The following NRP2 variants were observed in gnomAD, a reference collection of about 807,000 sequenced individuals.
NRP2 encodes neuropilin 2.
Under a neutral mutation model 110.4 loss-of-function variants are expected in NRP2, and 52 were observed. That is an observed-to-expected ratio of 0.47 (90% CI 0.38 to 0.59). The LOEUF (loss-of-function observed/expected upper bound fraction) is 0.59, where lower values mean the gene tolerates loss of function less well. Ranked by LOEUF, NRP2 falls within the 20% of genes least tolerant of loss-of-function variation. The probability of loss-of-function intolerance (pLI) is 0.00; values close to 1 mark genes in which losing one functional copy is unlikely to be tolerated. For synonymous variants in NRP2, 508 were observed against 468.9 expected, an observed-to-expected ratio of 1.08 and a Z score of -1.08; for missense variants, 1,049 against 1,203.0, an observed-to-expected ratio of 0.87 and a Z score of 1.89.
At chr2:205,775,122 G>C (rs1181255087) in intron 15 of NRP2, among the ~76,000 whole-genome samples, 1 of 152,176 alleles carries the variant, frequency 6.6e-6, no homozygotes, top group African/African-American at 2.4e-5. Flanking sequence ...AATGCAAACA[G>C]CTAGGGAGGC....
chr2:205,697,814 C>T, intron 2 of NRP2, 93 bp downstream of exon 2: 1 of 1,243,280 alleles, frequency 8.0e-7, no homozygotes, highest in South Asian at 1.2e-5. Flanking sequence ...CACCCCTCAC[C>T]CCAAGACCTG....
intron 11 of NRP2, among the ~76,000 whole-genome samples, chr2:205,751,770 A>G (rs962124464): frequency 6.6e-6 from 1 of 152,154 alleles, no homozygotes; most frequent in South Asian, 2.1e-4. Flanking sequence ...AGCCTTCCCC[A>G]GGGAAATTCC....
At chr2:205,745,557 A>G (rs1197682510) in intron 9 of NRP2, among the ~76,000 whole-genome samples, 189 bp from the exon 10 acceptor site, 1 of 152,152 alleles carries the variant, frequency 6.6e-6, no homozygotes, top group Non-Finnish European at 1.5e-5. Context: ...CCACCTTCCA[A>G]ATGAATAAAA....
At chr2:205,790,758 C>T (rs2058291984) in intron 15 of NRP2, among the ~76,000 whole-genome samples, 1 of 151,920 alleles carries the variant, frequency 6.6e-6, no homozygotes, top group African/African-American at 2.4e-5. Context: ...GTTCACATCT[C>T]CCTTCCAAGG....
intron 7 of NRP2, among the ~76,000 whole-genome samples, chr2:205,728,554 C>T (rs2057174780): frequency 6.6e-6 from 1 of 152,224 alleles, no homozygotes; most frequent in African/African-American, 2.4e-5. Context: ...GGGCTCTGAA[C>T]TGGCAATCAT....
At chr2:205,776,780 G>A (rs1223243438) in intron 15 of NRP2, 2 of 1,391,314 alleles carry the variant, frequency 1.4e-6, no homozygotes, top group Non-Finnish European at 1.9e-6. Flanking sequence ...TGGACTATCC[G>A]AAGAGATCCA....
intron 15 of NRP2, chr2:205,776,074 C>T: frequency 1.3e-6 from 1 of 774,328 alleles, no homozygotes; most frequent in Non-Finnish European, 2.3e-6. Flanking sequence ...GGAAATAATG[C>T]AATCGTTGAG....
intron 1 of NRP2, among the ~76,000 whole-genome samples, chr2:205,691,868 G>C (rs768259550): frequency 3.9e-5 from 6 of 152,208 alleles, no homozygotes; most frequent in Non-Finnish European, 5.9e-5. Flanking sequence ...GTTAACACAG[G>C]TGGCATGATT....
chr2:205,746,661 T>C (rs955930902), intron 10 of NRP2, among the ~76,000 whole-genome samples: 1 of 152,314 alleles, frequency 6.6e-6, no homozygotes, highest in East Asian at 1.9e-4. Flanking sequence ...CTGAGCCTGA[T>C]GCCAGCAGGA....
At chr2:205,735,440 G>GCTT (rs150784332) in intron 7 of NRP2, among the ~76,000 whole-genome samples, 10,174 of 148,388 alleles carry the variant, frequency 0.069, 665 homozygotes, top group African/African-American at 0.17. Flanking sequence ...CTGGCTGGAT[G>GCTT]CTTCTTATTA....
chr2:205,773,803 A>T (rs138669652), intron 15 of NRP2, among the ~76,000 whole-genome samples: 7 of 152,360 alleles, frequency 4.6e-5, no homozygotes, highest in African/African-American at 1.7e-4. Context: ...GAAGGAAAGC[A>T]GACTTTTGAA....
Position 205,763,744 on chromosome 2 carries a change from C to G in NRP2, c.2115C>G (p.Pro705=). 1 of 1,614,240 alleles carries G rather than the reference C, an allele frequency of 6.2e-7. No individual in the cohort carries two copies. The highest frequency in any genetic ancestry group is 8.5e-7 in the Non-Finnish European group (1 of 1,180,036). The change falls in exon 13 of 17, where the codon CCC becomes CCG. Residue 705 remains proline (P), a synonymous_variant. Transcript: ENST00000357785. The surrounding 1 kb of genome is among the most constrained non-coding windows in gnomAD (Gnocchi z 4.0). ...GCCAGTATGCCCGGCTCATCAGCCC[C>G]CCTGTCCACCTGCCCCGAAGCCCGG... ...REGQYARLIS[P]PVHLPRSPVC...
intron 2 of NRP2, chr2:205,701,206 A>C (rs1159051604): frequency 1.3e-5 from 2 of 152,552 alleles, no homozygotes; most frequent in African/African-American, 4.8e-5. Flanking sequence ...CACCCACCCC[A>C]TCCCAGAGGC....
intron 15 of NRP2, among the ~76,000 whole-genome samples, chr2:205,783,354 T>C (rs997896148): frequency 1.3e-5 from 2 of 152,222 alleles, no homozygotes; most frequent in African/African-American, 4.8e-5. Context: ...ATTAATGAGT[T>C]CCACTTGCTT....
chr2:205,753,181 A>G (rs757645589), intron 12 of NRP2, among the ~76,000 whole-genome samples: 9 of 152,192 alleles, frequency 5.9e-5, no homozygotes, highest in Admixed American at 2.0e-4. Flanking sequence ...TGATTACAGC[A>G]CAGCCTGGAA....
intron 10 of NRP2, among the ~76,000 whole-genome samples, chr2:205,746,385 A>G (rs2057539510): frequency 6.6e-6 from 1 of 151,842 alleles, no homozygotes; most frequent in African/African-American, 2.4e-5. Context: ...TGGGGGCAGG[A>G]CTCCTTCTCA....
At chr2:205,702,568 G>A (rs759887155) in intron 2 of NRP2, among the ~76,000 whole-genome samples, 1 of 152,194 alleles carries the variant, frequency 6.6e-6, no homozygotes, top group Non-Finnish European at 1.5e-5. Context: ...AGGTGCTCTT[G>A]TGTTTATTTA....
At chr2:205,752,476 C>G in intron 11 of NRP2, 3 of 327,192 alleles carry the variant, frequency 9.2e-6, no homozygotes, top group Non-Finnish European at 1.2e-5. Context: ...AGCCTTCCAC[C>G]AGGGCACTGG....
At chr2:205,767,803 G>T (rs1444713097) in intron 15 of NRP2, 1 of 168,926 alleles carries the variant, frequency 5.9e-6, no homozygotes, top group African/African-American at 2.4e-5. Flanking sequence ...AAATGATGGG[G>T]GTTCTTCATG....
Sources: gnomAD v4.1 joint callset for allele counts (sites outside exome capture counted in the v4.1 genomes callset) on GRCh38, gnomAD v4.1.1 for gene constraint, Gnocchi (gnomAD v3.1) non-coding constraint, MANE v1.5 for transcripts, NCBI Gene and HGNC (gene_info 2026-07-23, HGNC 2026-07-21) for gene names.